SLC9A9: variants seen among roughly 807,000 people sequenced by gnomAD.
The protein encoded by SLC9A9 is sodium/hydrogen exchanger 9.
SLC9A9 carries 62 observed loss-of-function variants against 77.8 expected under a neutral mutation model. That is an observed-to-expected ratio of 0.80 (90% CI 0.65 to 0.98). SLC9A9 has a LOEUF of 0.98. Among genes scored for constraint, SLC9A9 ranks in the 50% least tolerant of loss-of-function variants. SLC9A9 has a pLI of 0.00. For missense variants in SLC9A9, 775 were observed against 774.9 expected (o/e 1.00, Z 0.00); for synonymous variants, 320 against 283.5 (o/e 1.13, Z -1.29).
chr3:143,470,460 A>G (rs540193009), intron 11 of SLC9A9, among the ~76,000 whole-genome samples: 1 of 148,312 alleles, frequency 6.7e-6, no homozygotes, highest in Admixed American at 6.8e-5. Flanking sequence ...AGCCTGGGCA[A>G]CAAGAGCGAA....
chr3:143,717,810 G>A (rs376401569), intron 4 of SLC9A9, among the ~76,000 whole-genome samples: 16 of 152,228 alleles, frequency 1.1e-4, no homozygotes, highest in Admixed American at 6.5e-4. Context: ...ATTTCAGAGA[G>A]AGCTATATCA....
intron 5 of SLC9A9, among the ~76,000 whole-genome samples, chr3:143,664,772 G>C (rs146766039): frequency 0.15 from 22,293 of 152,194 alleles, 2,391 homozygotes; most frequent in African/African-American, 0.31. Flanking sequence ...ATCAATTCAA[G>C]AAGAAGAGCT....
At chr3:143,658,509 AT>A (rs1191187339) in intron 5 of SLC9A9, among the ~76,000 whole-genome samples, 30 of 152,340 alleles carry the variant, frequency 2.0e-4, no homozygotes, top group African/African-American at 6.3e-4. Flanking sequence ...GAGGAAAATT[AT>A]TCTTTTTACA....
chr3:143,691,285 G>A (rs531617426), intron 5 of SLC9A9, among the ~76,000 whole-genome samples: 3 of 151,942 alleles, frequency 2.0e-5, no homozygotes, highest in Non-Finnish European at 4.4e-5. Context: ...TTCCAGGCTG[G>A]TCTTGACCTC....
intron 6 of SLC9A9, among the ~76,000 whole-genome samples, chr3:143,594,314 T>C (rs531383048): frequency 5.1e-4 from 78 of 152,358 alleles, no homozygotes; most frequent in African/African-American, 1.8e-3. Context: ...GAAATTCTCT[T>C]GGACTTTGTG....
chr3:143,533,525 G>A (rs2036547036), intron 9 of SLC9A9, among the ~76,000 whole-genome samples: 1 of 152,120 alleles, frequency 6.6e-6, no homozygotes, highest in Non-Finnish European at 1.5e-5. Context: ...CAATAAGTGA[G>A]GCCACACAGA....
chr3:143,357,816 A>C (rs2032633633), intron 14 of SLC9A9, among the ~76,000 whole-genome samples: 1 of 152,280 alleles, frequency 6.6e-6, no homozygotes, highest in Non-Finnish European at 1.5e-5. Context: ...AAGTAAACTC[A>C]AGTCAATCAC....
chr3:143,625,297 G>T (rs1427320370), intron 6 of SLC9A9, among the ~76,000 whole-genome samples: 1 of 152,132 alleles, frequency 6.6e-6, no homozygotes, highest in Non-Finnish European at 1.5e-5. Flanking sequence ...AAAAGAGCCC[G>T]CATTGCCAAG....
At chr3:143,432,327 C>A (rs1218226381) in intron 12 of SLC9A9, among the ~76,000 whole-genome samples, 2 of 152,148 alleles carry the variant, frequency 1.3e-5, no homozygotes, top group African/African-American at 4.8e-5. Flanking sequence ...GGAACAGGCC[C>A]TGGAAAGGTT....
At chr3:143,397,731 T>C (rs917959288) in intron 12 of SLC9A9, among the ~76,000 whole-genome samples, 3 of 152,074 alleles carry the variant, frequency 2.0e-5, no homozygotes, top group African/African-American at 7.2e-5. Flanking sequence ...AGTCTCCACA[T>C]TGCTGCTCTT....
At chr3:143,842,329 C>A (rs549718922) in intron 1 of SLC9A9, among the ~76,000 whole-genome samples, 13 of 152,162 alleles carry the variant, frequency 8.5e-5, no homozygotes, top group African/African-American at 2.9e-4. Context: ...GGCAGTGAGC[C>A]GAGATTGTGC....
At chr3:143,648,411 A>G (rs994499910) in intron 6 of SLC9A9, among the ~76,000 whole-genome samples, 6 of 152,184 alleles carry the variant, frequency 3.9e-5, no homozygotes, top group East Asian at 3.9e-4. Context: ...GCAGTTCACA[A>G]TAGGGTTTGC....
chr3:143,383,302 C>G (rs1010389206), intron 12 of SLC9A9, among the ~76,000 whole-genome samples: 2 of 152,182 alleles, frequency 1.3e-5, no homozygotes, highest in East Asian at 3.8e-4. Flanking sequence ...TAAGCTGTTC[C>G]TACTCCGGGG....
chr3:143,848,453 C>A lies in SLC9A9; in HGVS notation c.-131G>T. On this transcript the variant is annotated 5_prime_UTR_variant, in exon 1 of 16. It removes an upstream start codon present in the reference 5' UTR. Coordinates refer to ENST00000316549, the MANE Select transcript of SLC9A9 (RefSeq NM_173653.4). ...GCCACTTTAGTTGCTACTTCACAAG[C>A]ATTCTGCCCTGGCTTAGTATTCAGA... The A allele has an allele frequency of 2.5e-6, 3 of 1,177,050 alleles. No homozygotes were observed. Among genetic ancestry groups the A allele is most frequent in the Non-Finnish European group, 3.7e-6 (3 of 802,498 alleles). The allele number at this position is 1,177,050 out of a possible 1,614,324, so 72.9% of individuals were successfully genotyped here.
chr3:143,488,070 T>C (rs2035681010), intron 11 of SLC9A9, among the ~76,000 whole-genome samples: 1 of 151,816 alleles, frequency 6.6e-6, no homozygotes, highest in African/African-American at 2.4e-5. Flanking sequence ...CTACCAATTC[T>C]AGAGAAATAA....
intron 9 of SLC9A9, among the ~76,000 whole-genome samples, chr3:143,496,968 C>T (rs1222898600): frequency 3.9e-5 from 6 of 152,050 alleles, no homozygotes; most frequent in East Asian, 1.9e-4. Context: ...GTCCTCACAC[C>T]GAGGAGAGAG....
At chr3:143,284,887 C>T (rs1938338124) in intron 14 of SLC9A9, among the ~76,000 whole-genome samples, 1 of 152,152 alleles carries the variant, frequency 6.6e-6, no homozygotes, top group African/African-American at 2.4e-5. Context: ...CCCAGCAATA[C>T]TTATGACAAA....
At chr3:143,644,096 G>A (rs538695904) in intron 6 of SLC9A9, among the ~76,000 whole-genome samples, 1 of 152,184 alleles carries the variant, frequency 6.6e-6, no homozygotes, top group Non-Finnish European at 1.5e-5. Context: ...GGGGCCAAGA[G>A]AGAAAAAGAA....
At chr3:143,818,032 GA>G (rs533937801) in intron 2 of SLC9A9, among the ~76,000 whole-genome samples, 35 of 150,728 alleles carry the variant, frequency 2.3e-4, no homozygotes, top group East Asian at 7.8e-4. Flanking sequence ...AAGCTACACA[GA>G]AAAAAAAATA....
Sources: allele counts gnomAD v4.1 joint callset (sites outside exome capture counted in the v4.1 genomes callset), GRCh38; gene constraint gnomAD v4.1.1; transcripts MANE v1.5; gene names NCBI Gene and HGNC (gene_info 2026-07-23, HGNC 2026-07-21).